The following FLRT1 variants were observed in gnomAD, a reference collection of about 807,000 sequenced individuals.
The protein encoded by FLRT1 is fibronectin leucine rich transmembrane protein 1, also known as leucine-rich repeat transmembrane protein FLRT1.
A neutral mutation model predicts 30.9 loss-of-function variants in FLRT1; 14 were observed. That is an observed-to-expected ratio of 0.45 (90% CI 0.30 to 0.71). The LOEUF (loss-of-function observed/expected upper bound fraction) is 0.71, where lower values mean the gene tolerates loss of function less well. Ranked by LOEUF, FLRT1 falls within the 30% of genes least tolerant of loss-of-function variation. The probability of loss-of-function intolerance (pLI) is 0.08; values close to 1 mark genes in which losing one functional copy is unlikely to be tolerated. For synonymous variants in FLRT1, 368 were observed against 430.4 expected, an observed-to-expected ratio of 0.85 and a Z score of 1.80; for missense variants, 737 against 949.2, an observed-to-expected ratio of 0.78 and a Z score of 2.94.
intron 1 of FLRT1, among the ~76,000 whole-genome samples, chr11:64,076,988 C>T (rs925589172): frequency 3.3e-5 from 5 of 149,908 alleles, no homozygotes; most frequent in East Asian, 2.1e-4. Flanking sequence ...GGCTGAGTGA[C>T]GGATGGGAGC....
chr11:64,038,221 A>T (rs944782116), intron 1 of FLRT1, among the ~76,000 whole-genome samples: 29 of 152,078 alleles, frequency 1.9e-4, no homozygotes, highest in African/African-American at 6.8e-4. Context: ...AGGTGTACAG[A>T]CTTAGCTCTG....
In FLRT1 at chr11:64,117,586, C is replaced by T. The variant is rs1008474536; in HGVS notation, c.1319C>T (p.Ala440Val). 2 of 1,611,700 alleles carry T rather than the reference C, an allele frequency of 1.2e-6. No homozygotes were observed. ...MATGDGAKTLAIHVKALTADS... is the reference protein window; with the variant it reads ...MATGDGAKTLVIHVKALTADS... ...ACGGGTGATGGCGCCAAGACCCTGG[C>T]CATCCACGTGAAGGCCCTGACGGCA... Residue 440 changes from alanine to valine, a missense_variant, in exon 3 of 3, where the codon GCC becomes GTC. Transcript: ENST00000682287.
intron 1 of FLRT1, among the ~76,000 whole-genome samples, chr11:64,048,756 T>C (rs1375129906): frequency 1.3e-5 from 2 of 152,140 alleles, no homozygotes; most frequent in Non-Finnish European, 2.9e-5. Flanking sequence ...CCAGATCCCA[T>C]AACTCTAAGG....
At position 64,049,816 on chromosome 11, in the gene FLRT1, C is replaced by G. The variant is rs1248029460; in HGVS notation, c.-1038+13657C>G. ...CCACAAGTGAAGTCGTCTCTGCAGA[C>G]TCCCTGCTTGCTAGGGCTGGGGCCT... On this transcript the variant is annotated intron_variant, in intron 1 of 2. Transcript: ENST00000682287. 2.0e-5 allele frequency among the ~76,000 whole-genome samples: 3 copies of G among 152,196 alleles called. No homozygotes were observed. The East Asian group carries it at 5.8e-4, about 29-fold the overall frequency.
chr11:64,105,553 A>G (rs991966815), intron 2 of FLRT1, among the ~76,000 whole-genome samples: 8 of 152,136 alleles, frequency 5.3e-5, no homozygotes, highest in Non-Finnish European at 1.0e-4. Flanking sequence ...AGAGCATTCT[A>G]TGACGTGCCC....
intron 1 of FLRT1, among the ~76,000 whole-genome samples, chr11:64,095,455 G>A (rs535567352): frequency 2.0e-5 from 3 of 152,260 alleles, no homozygotes; most frequent in African/African-American, 7.2e-5. Context: ...TTCCAACACA[G>A]GCAAAAAATC....
chr11:64,041,554 T>C (rs1041873704), intron 1 of FLRT1, among the ~76,000 whole-genome samples: 48 of 150,580 alleles, frequency 3.2e-4, no homozygotes, highest in African/African-American at 1.1e-3. Flanking sequence ...GTCGCAGAGG[T>C]GGGGCTTCGT....
In FLRT1 at chr11:64,084,201, A is replaced by G. The variant is rs915627554; in HGVS notation, c.-1037-18993A>G. On this transcript the variant is annotated intron_variant, in intron 1 of 2. Coordinates refer to ENST00000682287, the MANE Select transcript of FLRT1 (RefSeq NM_013280.5). ...GAGGATGCTGCCTCCCCCTCCTCTC[A>G]GCCCCCTCCCAGGCCTGGGGCAAAG... Among the ~76,000 whole-genome samples, 22 of 152,028 alleles carry G rather than the reference A, an allele frequency of 1.4e-4. No individual in the cohort carries two copies. The South Asian group carries it at 4.0e-3, about 27-fold the overall frequency.
At chr11:64,037,804 T>C (rs539416709) in intron 1 of FLRT1, among the ~76,000 whole-genome samples, 16 of 152,348 alleles carry the variant, frequency 1.1e-4, no homozygotes, top group African/African-American at 3.8e-4. Flanking sequence ...CCTGGGTCTG[T>C]GCATCCGCAC....
chr11:64,086,671 C>T (rs1590887853), intron 1 of FLRT1, among the ~76,000 whole-genome samples: 1 of 152,296 alleles, frequency 6.6e-6, no homozygotes, highest in South Asian at 2.1e-4. Context: ...CAGGGACTCA[C>T]ATCATGTGTT....
chr11:64,112,672 C>T (rs367857923), intron 2 of FLRT1, among the ~76,000 whole-genome samples: 3 of 152,158 alleles, frequency 2.0e-5, no homozygotes, highest in Admixed American at 1.3e-4. Flanking sequence ...GAGATGCAGG[C>T]GTGGATCTGG....
At chr11:64,058,684 G>A (rs540502211) in intron 1 of FLRT1, among the ~76,000 whole-genome samples, 183 of 152,378 alleles carry the variant, frequency 1.2e-3, no homozygotes, top group Non-Finnish European at 1.4e-3. Flanking sequence ...CACGCCGGCT[G>A]CAACCGCTCA....
intron 1 of FLRT1, among the ~76,000 whole-genome samples, chr11:64,072,709 G>A (rs560889306): frequency 5.3e-5 from 8 of 152,286 alleles, no homozygotes; most frequent in Admixed American, 3.9e-4. Context: ...GGGGATTAGA[G>A]GAGTTAATGT....
intron 1 of FLRT1, among the ~76,000 whole-genome samples, chr11:64,087,598 AGCCTGCAAGGCTG>A (rs1221517508): frequency 1.3e-5 from 2 of 152,218 alleles, no homozygotes; most frequent in African/African-American, 4.8e-5. Flanking sequence ...CACTCGCTGC[AGCCTGCAAGGCTG>A]GCCTTGCCCG....
At chr11:64,105,924 A>G (rs752997198) in intron 2 of FLRT1, among the ~76,000 whole-genome samples, 21 of 121,196 alleles carry the variant, frequency 1.7e-4, no homozygotes, top group Non-Finnish European at 2.9e-4. Flanking sequence ...CCTTTATCTC[A>G]TGATTCCAGG....
At chr11:64,076,488 GGAT>G (rs1565221433) in intron 1 of FLRT1, among the ~76,000 whole-genome samples, 1 of 152,266 alleles carries the variant, frequency 6.6e-6, no homozygotes. Flanking sequence ...ATGGATGGAC[GGAT>G]GATGTCTCAT....
chr11:64,066,713 G>A (rs1374596347), intron 1 of FLRT1, among the ~76,000 whole-genome samples: 3 of 151,710 alleles, frequency 2.0e-5, no homozygotes, highest in African/African-American at 7.3e-5. Context: ...GTGGGAATAC[G>A]ATGAGAGCCC....
At chr11:64,111,888 G>A (rs1323081393) in intron 2 of FLRT1, among the ~76,000 whole-genome samples, 1 of 152,186 alleles carries the variant, frequency 6.6e-6, no homozygotes, top group Non-Finnish European at 1.5e-5. Context: ...GCTCACAGGA[G>A]AGTGGGCATC....
Position 64,118,134 on chromosome 11 carries a change from C to T in FLRT1, c.1867C>T (p.Pro623Ser). ...CCGCGGCCCTGGGCTGCAGATGCTG[C>T]CCATCAACCCGTACCGCGCCAAAGA... Reference protein sequence around the residue: ...EIRGPGLQMLPINPYRAKEEY... With the variant: ...EIRGPGLQMLSINPYRAKEEY... Residue 623 changes from proline to serine, a missense_variant, in exon 3 of 3, where the codon CCC becomes TCC. Transcript: ENST00000682287. 1 of 1,613,474 alleles carries T rather than the reference C, an allele frequency of 6.2e-7. No individual in the cohort carries two copies.
Sources: allele counts gnomAD v4.1 joint callset (sites outside exome capture counted in the v4.1 genomes callset), GRCh38; gene constraint gnomAD v4.1.1; transcripts MANE v1.5; gene names NCBI Gene and HGNC (gene_info 2026-07-23, HGNC 2026-07-21).